Variants in GRIA4 observed in about 807,000 individuals in gnomAD.
GRIA4 encodes glutamate receptor 4.
In GRIA4, 34 loss-of-function variants were observed where a neutral mutation model predicts 104.0. That is an observed-to-expected ratio of 0.33 (90% CI 0.25 to 0.44). The LOEUF (loss-of-function observed/expected upper bound fraction) is 0.44. Ranked by LOEUF, GRIA4 falls within the 20% of genes least tolerant of loss-of-function variation. The pLI is 1.00. For synonymous variants in GRIA4, 386 were observed against 381.9 expected, an observed-to-expected ratio of 1.01 and a Z score of -0.13; for missense variants, 750 against 1,096.5, an observed-to-expected ratio of 0.68 and a Z score of 4.46.
intron 3 of GRIA4, among the ~76,000 whole-genome samples, chr11:105,712,838 G>A (rs766855046): frequency 6.6e-6 from 1 of 151,422 alleles, no homozygotes; most frequent in African/African-American, 2.4e-5. Flanking sequence ...TCAAAAGTAT[G>A]AGCCCAATGT....
chr11:105,640,425 T>C (rs1473380610), intron 3 of GRIA4, among the ~76,000 whole-genome samples: 1 of 151,920 alleles, frequency 6.6e-6, no homozygotes, highest in Admixed American at 6.6e-5. Context: ...ATAATAATTC[T>C]ACTATCAAAT....
chr11:105,840,638 G>A (rs1005587824), intron 4 of GRIA4, among the ~76,000 whole-genome samples: 5 of 152,136 alleles, frequency 3.3e-5, no homozygotes, highest in Admixed American at 6.5e-5. Flanking sequence ...GTTTCTATAC[G>A]ATATTATAAG....
intron 3 of GRIA4, among the ~76,000 whole-genome samples, chr11:105,728,038 A>C (rs192390452): frequency 6.6e-6 from 1 of 152,326 alleles, no homozygotes; most frequent in Non-Finnish European, 1.5e-5. Flanking sequence ...GTTAACCTTT[A>C]ATGTAAATGG....
chr11:105,827,900 T>C (rs577611341), intron 4 of GRIA4, among the ~76,000 whole-genome samples: 2 of 152,072 alleles, frequency 1.3e-5, no homozygotes, highest in South Asian at 4.1e-4. Context: ...TTAAGCAGAT[T>C]CTGCCAAACA....
intron 3 of GRIA4, among the ~76,000 whole-genome samples, chr11:105,748,224 A>G (rs1939779010): frequency 6.6e-6 from 1 of 152,174 alleles, no homozygotes; most frequent in South Asian, 2.1e-4. Flanking sequence ...TCTGGCAGTC[A>G]GCTTGGAACT....
chr11:105,959,881 G>A (rs1366589952), intron 14 of GRIA4, among the ~76,000 whole-genome samples: 1 of 152,174 alleles, frequency 6.6e-6, no homozygotes, highest in African/African-American at 2.4e-5. Flanking sequence ...CTGTAGGGCT[G>A]CTGCAGTTTG....
intron 3 of GRIA4, among the ~76,000 whole-genome samples, chr11:105,721,678 C>T (rs1233865517): frequency 6.6e-6 from 1 of 152,172 alleles, no homozygotes; most frequent in African/African-American, 2.4e-5. Flanking sequence ...AGCAATTACA[C>T]AAATTACTTG....
intron 3 of GRIA4, among the ~76,000 whole-genome samples, chr11:105,671,208 G>C (rs1490452159): frequency 6.6e-6 from 1 of 152,066 alleles, no homozygotes; most frequent in Non-Finnish European, 1.5e-5. Flanking sequence ...ACAGGTACCA[G>C]GTGTTAGAAA....
At chr11:105,806,093 T>G (rs1942942067) in intron 4 of GRIA4, among the ~76,000 whole-genome samples, 1 of 151,980 alleles carries the variant, frequency 6.6e-6, no homozygotes, top group Non-Finnish European at 1.5e-5. Flanking sequence ...AAGCTTTTGT[T>G]TGTTTTAGTT....
In GRIA4 at chr11:105,848,384, T is replaced by C. The variant is rs532798704; in HGVS notation, c.488-13640T>C. ...AGAATAAATGTACCTTCCTAATTTT[T>C]GGCACAACATTAAAATATAGTTTAT... On this transcript the variant is annotated intron_variant, in intron 4 of 16. Transcript: ENST00000282499. Among the ~76,000 whole-genome samples, 5 of 152,308 alleles carry C rather than the reference T, an allele frequency of 3.3e-5. No homozygotes were observed. In the East Asian group the frequency reaches 7.7e-4, roughly 24 times the overall value.
chr11:105,945,491 C>G (rs1206942658), intron 14 of GRIA4: 6 of 962,502 alleles, frequency 6.2e-6, no homozygotes, highest in Non-Finnish European at 7.4e-6. Context: ...CTAACCAGCT[C>G]CAGGACCAAG....
At chr11:105,641,252 T>C (rs549122641) in intron 3 of GRIA4, among the ~76,000 whole-genome samples, 3 of 152,280 alleles carry the variant, frequency 2.0e-5, no homozygotes, top group Non-Finnish European at 4.4e-5. Context: ...ACTATATTAA[T>C]TTTAATCTGA....
intron 9 of GRIA4, among the ~76,000 whole-genome samples, chr11:105,906,461 G>A (rs1947044338): frequency 6.6e-6 from 1 of 152,126 alleles, no homozygotes; most frequent in East Asian, 1.9e-4. Flanking sequence ...GGCAACAACC[G>A]AAGAAAGGCT....
intron 4 of GRIA4, among the ~76,000 whole-genome samples, chr11:105,783,169 T>C (rs1473445281): frequency 6.6e-6 from 1 of 152,204 alleles, no homozygotes; most frequent in Non-Finnish European, 1.5e-5. Flanking sequence ...CGGAGAAATG[T>C]ATTTTACTAT....
chr11:105,643,162 A>G (rs1205250699), intron 3 of GRIA4, among the ~76,000 whole-genome samples: 1 of 152,174 alleles, frequency 6.6e-6, no homozygotes, highest in Non-Finnish European at 1.5e-5. Flanking sequence ...CTACAATTCA[A>G]GATGAGATTT....
At chr11:105,775,996 T>C (rs1254253122) in intron 4 of GRIA4, among the ~76,000 whole-genome samples, 1 of 151,962 alleles carries the variant, frequency 6.6e-6, no homozygotes, top group Non-Finnish European at 1.5e-5. Flanking sequence ...TAAATAAATA[T>C]ATTTATAATT....
intron 3 of GRIA4, among the ~76,000 whole-genome samples, chr11:105,664,854 A>G (rs1383027738): frequency 1.3e-5 from 2 of 152,024 alleles, no homozygotes; most frequent in African/African-American, 2.4e-5. Context: ...GCACCTCACA[A>G]TAGAATCAAT....
At chr11:105,667,611 T>C (rs1252007815) in intron 3 of GRIA4, among the ~76,000 whole-genome samples, 1 of 152,040 alleles carries the variant, frequency 6.6e-6, no homozygotes, top group Non-Finnish European at 1.5e-5. Flanking sequence ...AGTACAACTA[T>C]AACGCTCAGA....
At chr11:105,944,696 A>C (rs1948264206) in intron 14 of GRIA4, among the ~76,000 whole-genome samples, 1 of 152,146 alleles carries the variant, frequency 6.6e-6, no homozygotes, top group African/African-American at 2.4e-5. Flanking sequence ...ATCTGGACAG[A>C]TGCTGCTGCT....
Sources: allele counts gnomAD v4.1 joint callset (sites outside exome capture counted in the v4.1 genomes callset), GRCh38; gene constraint gnomAD v4.1.1; transcripts MANE v1.5; gene names NCBI Gene and HGNC (gene_info 2026-07-23, HGNC 2026-07-21).